The following TMEM182 variants were observed in gnomAD, a reference collection of about 807,000 sequenced individuals.
TMEM182 encodes the protein transmembrane protein 182.
In TMEM182, 20 loss-of-function variants were observed where a neutral mutation model predicts 26.8. The observed-to-expected ratio is 0.75, with a 90% confidence interval of 0.53 to 1.09. TMEM182 has a LOEUF of 1.09. Among genes scored for constraint, TMEM182 ranks in the 50% least tolerant of loss-of-function variants. TMEM182 has a pLI of 0.00. For synonymous variants in TMEM182, 109 were observed against 102.2 expected (o/e 1.07, Z -0.40); for missense variants, 277 against 275.5 (o/e 1.01, Z -0.04).
intron 3 of TMEM182, among the ~76,000 whole-genome samples, chr2:102,827,349 G>A (rs1683053447): frequency 6.6e-6 from 1 of 152,214 alleles, no homozygotes; most frequent in Non-Finnish European, 1.5e-5. Flanking sequence ...TATACTACCA[G>A]ATATGTTAGA....
chr2:102,761,098 TA>T (rs1680199526), upstream of TMEM182, among the ~76,000 whole-genome samples: 1 of 152,124 alleles, frequency 6.6e-6, no homozygotes, highest in Admixed American at 6.6e-5. Context: ...GTTGAGAATA[TA>T]AAAACAATAA....
intron 1 of TMEM182, among the ~76,000 whole-genome samples, chr2:102,746,239 G>A (rs1209252374): frequency 6.6e-6 from 1 of 152,038 alleles, no homozygotes; most frequent in Non-Finnish European, 1.5e-5. Context: ...ATATCTTGTT[G>A]GGAGAAATAC....
In TMEM182 at chr2:102,804,001, A is replaced by G. The variant is rs115087647; in HGVS notation, c.469+6001A>G. On this transcript the variant is annotated intron_variant, in intron 4 of 4. Coordinates refer to ENST00000412401, the MANE Select transcript of TMEM182 (RefSeq NM_144632.5). ...ATGCACACGCAGCCCTGCTGTCTCT[A>G]TGTCTATCCTGTGAGAGATCTGGGC... Among the ~76,000 whole-genome samples, 629 of 152,274 alleles carry G rather than the reference A, an allele frequency of 4.1e-3. 5 individuals carry two copies. The highest frequency in any genetic ancestry group is 0.015 in the African/African-American group (607 of 41,550).
chr2:102,831,871 C>A (rs922017014), intron 3 of TMEM182, among the ~76,000 whole-genome samples: 3 of 152,070 alleles, frequency 2.0e-5, no homozygotes, highest in Non-Finnish European at 4.4e-5. Context: ...CTTGGGACAC[C>A]CAACCACCAA....
At chr2:102,809,313 G>A (rs533867121) in intron 4 of TMEM182, among the ~76,000 whole-genome samples, 10 of 152,222 alleles carry the variant, frequency 6.6e-5, no homozygotes, top group African/African-American at 1.7e-4. Flanking sequence ...GAATTGCTTC[G>A]TTTCTTCTTC....
intron 3 of TMEM182, among the ~76,000 whole-genome samples, chr2:102,767,664 C>T (rs1232492154): frequency 1.3e-5 from 2 of 151,998 alleles, no homozygotes; most frequent in Non-Finnish European, 2.9e-5. Context: ...AGCATAGTTC[C>T]TGGTAATTAC....
In TMEM182 at chr2:102,816,632, T is replaced by C; in HGVS notation, c.*1664T>C. 1.0e-6 allele frequency: 1 copy of C among 985,682 alleles called. No homozygotes were observed. Among genetic ancestry groups the C allele is most frequent in the Non-Finnish European group, 1.2e-6 (1 of 829,890 alleles). 61.1% of individuals were successfully genotyped at this position (985,682 alleles called of 1,614,324 possible). A position where few individuals can be genotyped will look rare whatever the true frequency, so the allele number is the denominator to read the frequency against. On this transcript the variant is annotated 3_prime_UTR_variant, in exon 5 of 5. Transcript: ENST00000412401. ...TGTGGTACTTCCCTTTGTCTTTCAC[T>C]GTTTCATTTTTATATTGCTTCATTT...
upstream of TMEM182, chr2:102,758,350 T>C: frequency 1.5e-6 from 1 of 660,656 alleles, no homozygotes; most frequent in Non-Finnish European, 2.8e-6. Flanking sequence ...CTAAGATTAC[T>C]TGGGGAAGCA....
chr2:102,778,049 T>C (rs1158422699), intron 3 of TMEM182, among the ~76,000 whole-genome samples: 3 of 152,046 alleles, frequency 2.0e-5, no homozygotes, highest in African/African-American at 7.2e-5. Flanking sequence ...GTCTAGTTTT[T>C]CTGTATATTT....
chr2:102,795,564 G>A (rs1229167544), intron 3 of TMEM182, among the ~76,000 whole-genome samples: 3 of 152,018 alleles, frequency 2.0e-5, no homozygotes, highest in Non-Finnish European at 4.4e-5. Context: ...GTGCACCCTG[G>A]GGCGCACACC....
chr2:102,842,992 T>A (rs769344580), intron 3 of TMEM182, among the ~76,000 whole-genome samples: 1 of 152,170 alleles, frequency 6.6e-6, no homozygotes, highest in Non-Finnish European at 1.5e-5. Flanking sequence ...GGGCTTTTGA[T>A]ACAATGTATA....
rs559498913 is a variant in TMEM182 at position 102,769,404 on chromosome 2, T to C, written c.331+4977T>C. On this transcript the variant is annotated intron_variant, in intron 3 of 4. Coordinates refer to ENST00000412401, the MANE Select transcript of TMEM182 (RefSeq NM_144632.5). ...ATGATGAAGAAGTTTCCTTTTCAAA[T>C]AGGTGTAATTCAGTTTAAATAACAT... Among the ~76,000 whole-genome samples, 19 of 152,328 alleles carry C rather than the reference T, an allele frequency of 1.2e-4. 1 individual carries two copies. The South Asian group carries it at 3.7e-3, about 30-fold the overall frequency.
chr2:102,753,684 T>C (rs1488034204), intron 1 of TMEM182, among the ~76,000 whole-genome samples: 1 of 152,202 alleles, frequency 6.6e-6, no homozygotes, highest in African/African-American at 2.4e-5. Flanking sequence ...TCTTCATTTT[T>C]GATAGATAAA....
At chr2:102,745,506 T>A (rs1679668274) in intron 1 of TMEM182, among the ~76,000 whole-genome samples, 1 of 152,128 alleles carries the variant, frequency 6.6e-6, no homozygotes, top group African/African-American at 2.4e-5. Context: ...TACCATGTGA[T>A]TCACCTACTT....
chr2:102,831,920 A>G lies in TMEM182; in HGVS notation c.326-11492A>G, dbSNP rs565519007. Among the ~76,000 whole-genome samples the G allele has an allele frequency of 7.2e-5, 11 of 152,318 alleles. No homozygotes were observed. The East Asian group carries it at 1.9e-3, about 27-fold the overall frequency. On this transcript the variant is annotated intron_variant, in intron 3 of 3. Coordinates refer to the TMEM182 transcript ENST00000486293. ...AGAGCTAGGCATTCTCCTTGTGACAATGTTCTTTCTTTTCATAGGACAAGG... is the reference window on the plus strand; with the variant it reads ...AGAGCTAGGCATTCTCCTTGTGACAGTGTTCTTTCTTTTCATAGGACAAGG...
chr2:102,803,869 C>A (rs780749677), intron 4 of TMEM182, among the ~76,000 whole-genome samples: 2 of 151,776 alleles, frequency 1.3e-5, no homozygotes, highest in Non-Finnish European at 2.9e-5. Flanking sequence ...CGCAGCCCTG[C>A]CGTCCACACC....
At chr2:102,805,569 A>C (rs1682313552) in intron 4 of TMEM182, among the ~76,000 whole-genome samples, 1 of 151,926 alleles carries the variant, frequency 6.6e-6, no homozygotes, top group South Asian at 2.1e-4. Context: ...TTAAACTTCA[A>C]ACTTGAATAA....
At chr2:102,786,622 C>G (rs918513145) in intron 3 of TMEM182, among the ~76,000 whole-genome samples, 3 of 152,190 alleles carry the variant, frequency 2.0e-5, no homozygotes, top group African/African-American at 7.2e-5. Flanking sequence ...GATAAAGATT[C>G]TCCAGTGATT....
At chr2:102,793,951 T>C (rs1681756467) in intron 3 of TMEM182, among the ~76,000 whole-genome samples, 2 of 152,150 alleles carry the variant, frequency 1.3e-5, no homozygotes. Flanking sequence ...ATGCCTATAA[T>C]CCCTGCACTT....
Sources: allele counts gnomAD v4.1 joint callset (sites outside exome capture counted in the v4.1 genomes callset), GRCh38; gene constraint gnomAD v4.1.1; transcripts MANE v1.5; gene names NCBI Gene and HGNC (gene_info 2026-07-23, HGNC 2026-07-21).